Variants in HK1 observed in about 807,000 individuals in gnomAD.
HK1 encodes hexokinase-1.
Under a neutral mutation model 91.6 loss-of-function variants are expected in HK1, and 28 were observed. The observed-to-expected ratio is 0.31, with a 90% CI of 0.23 to 0.42. The LOEUF is 0.42. Among genes scored for constraint, HK1 ranks in the 10% least tolerant of loss-of-function variants. The probability of loss-of-function intolerance (pLI) is 1.00; values close to 1 mark genes in which losing one functional copy is unlikely to be tolerated. For synonymous variants in HK1, 430 were observed against 468.1 expected, an observed-to-expected ratio of 0.92 and a Z score of 1.05; for missense variants, 770 against 1,219.8, an observed-to-expected ratio of 0.63 and a Z score of 5.49.
At chr10:69,385,257 G>A (rs1480213958) in intron 12 of HK1, among the ~76,000 whole-genome samples, 1 of 152,176 alleles carries the variant, frequency 6.6e-6, no homozygotes, top group Non-Finnish European at 1.5e-5. Flanking sequence ...TCTGCTAGTG[G>A]TAGACTCCGT....
At chr10:69,317,235 C>T (rs1014909784), upstream of HK1, among the ~76,000 whole-genome samples, 3 of 152,160 alleles carry the variant, frequency 2.0e-5, no homozygotes, top group Non-Finnish European at 4.4e-5. Flanking sequence ...ATTATGTGCA[C>T]GTATTTTGCG....
At chr10:69,363,801 C>CT (rs1564543104) in intron 3 of HK1, among the ~76,000 whole-genome samples, 1 of 152,196 alleles carries the variant, frequency 6.6e-6, no homozygotes, top group Non-Finnish European at 1.5e-5. Context: ...GTTCCAGGCT[C>CT]TTTCTAGCAG....
intron 1 of HK1, among the ~76,000 whole-genome samples, chr10:69,330,723 A>G (rs1847670391): frequency 6.6e-6 from 1 of 152,144 alleles, no homozygotes; most frequent in Non-Finnish European, 1.5e-5. Context: ...CTGGAGATAC[A>G]GGGACACAGA....
rs187233628 is a variant in HK1, at chr10:69,384,517, C to T, written c.1719+36C>T. On this transcript the variant is annotated intron_variant, in intron 11 of 17. Coordinates refer to ENST00000359426, the MANE Select transcript of HK1 (RefSeq NM_000188.3). ...AAAACCATAGTGCATGTGCACTGCA[C>T]ACACGGCCAGTGGCACCGGCAGTCA... 2,926 of 1,612,198 alleles carry T rather than the reference C, an allele frequency of 1.8e-3. 13 individuals carry two copies. The highest frequency in any genetic ancestry group is 1.2e-3 in the Non-Finnish European group (1,455 of 1,178,200).
At chr10:69,361,952 G>C (rs1266682849) in intron 3 of HK1, among the ~76,000 whole-genome samples, 2 of 152,110 alleles carry the variant, frequency 1.3e-5, no homozygotes, top group African/African-American at 4.8e-5. Context: ...CAAATAGCTG[G>C]AATTACAGGC....
At chr10:69,289,450 TA>T (rs771213757) in intron 3 of HK1, among the ~76,000 whole-genome samples, 5,306 of 133,896 alleles carry the variant, frequency 0.04, 245 homozygotes, top group Middle Eastern at 0.061. Flanking sequence ...TTCTGCCCAT[TA>T]AAAAAAAAAA....
chr10:69,384,589 C>T lies in HK1; in HGVS notation c.1719+108C>T, dbSNP rs148478327. ...CGGGGTGCCCACATGGATTTGTGTC[C>T]TTGTGGCCCAGAAGCACCAGATGCT... On this transcript the variant is annotated intron_variant, in intron 11 of 17. Coordinates refer to ENST00000359426, the MANE Select transcript of HK1 (RefSeq NM_000188.3). The T allele has an allele frequency of 7.6e-5, 113 of 1,486,932 alleles. No homozygotes were observed. In the East Asian group the frequency reaches 2.3e-3, roughly 31 times the overall value. The allele number at this position is 1,486,932 out of a possible 1,614,324, so 92.1% of individuals were successfully genotyped here.
At chr10:69,323,084 A>T (rs1847138706) in intron 1 of HK1, among the ~76,000 whole-genome samples, 1 of 151,922 alleles carries the variant, frequency 6.6e-6, no homozygotes, top group Non-Finnish European at 1.5e-5. Context: ...CGTCTCTACT[A>T]AAAATACAAA....
At position 69,379,872 on chromosome 10, in the gene HK1, G is replaced by C. The variant is rs1473171806; in HGVS notation, c.1042G>C (p.Gly348Arg). ...DVSAIEKNKE[G>R]LHNAKEILTR... Reference sequence around the variant, plus strand: ...CTTCTAACTTCACAGGAATAAGGAAGGCCTCCACAATGCCAAAGAAATCCT... The same window carrying C: ...CTTCTAACTTCACAGGAATAAGGAACGCCTCCACAATGCCAAAGAAATCCT... The change falls in exon 9 of 18, where the codon GGC becomes CGC. Residue 348 changes from glycine to arginine, a missense_variant. Coordinates refer to ENST00000359426, the MANE Select transcript of HK1 (RefSeq NM_000188.3). 2 of 1,611,586 alleles carry C rather than the reference G, an allele frequency of 1.2e-6. No individual in the cohort carries two copies. Among genetic ancestry groups the C allele is most frequent in the South Asian group, 2.2e-5 (2 of 91,030 alleles).
At chr10:69,382,962 A>G (rs946590674) in intron 10 of HK1, among the ~76,000 whole-genome samples, 171 bp downstream of exon 10, 12 of 152,124 alleles carry the variant, frequency 7.9e-5, no homozygotes, top group African/African-American at 2.9e-4. Context: ...CTGATTTGTC[A>G]TGTGTGTGAC....
chr10:69,290,581 C>T (rs962656905), intron 3 of HK1, among the ~76,000 whole-genome samples: 21 of 152,166 alleles, frequency 1.4e-4, no homozygotes, highest in African/African-American at 3.9e-4. Flanking sequence ...TCACTACAAC[C>T]TCTGCCTCCC....
chr10:69,340,744 C>T, intron 1 of HK1, among the ~76,000 whole-genome samples: 1 of 152,100 alleles, frequency 6.6e-6, no homozygotes, highest in Admixed American at 6.6e-5. Context: ...ATTCTCCACG[C>T]AGCAGACACA....
At chr10:69,351,499 G>C (rs1234216000) in intron 2 of HK1, among the ~76,000 whole-genome samples, 1 of 151,972 alleles carries the variant, frequency 6.6e-6, no homozygotes, top group Non-Finnish European at 1.5e-5. Context: ...ACAAGAGTGA[G>C]ACTCCGTCTC....
rs1287247975 is a variant in HK1, at chr10:69,380,790, G to A, written c.1265+695G>A. On this transcript the variant is annotated intron_variant, in intron 9 of 17. Coordinates refer to ENST00000359426, the MANE Select transcript of HK1 (RefSeq NM_000188.3). This position sits in a 1 kb window ranked among gnomAD's most constrained non-coding sequence, Gnocchi z 4.0. Reference sequence around the variant, plus strand: ...TTAGTTTTAGAAGCCATGTTGTCCTGTGAGAACGTGGCTTATACTTTTTTT... The same window carrying A: ...TTAGTTTTAGAAGCCATGTTGTCCTATGAGAACGTGGCTTATACTTTTTTT... 6.6e-6 allele frequency among the ~76,000 whole-genome samples: 1 copy of A among 152,208 alleles called. No homozygotes were observed. The highest frequency in any genetic ancestry group is 2.4e-5 in the African/African-American group (1 of 41,448).
intron 5 of HK1, among the ~76,000 whole-genome samples, chr10:69,302,632 G>C (rs931052588): frequency 2.0e-5 from 3 of 151,746 alleles, no homozygotes; most frequent in Non-Finnish European, 4.4e-5. Context: ...GGGTGCATCT[G>C]TGGTCCCAGC....
At chr10:69,288,314 C>T (rs559094544) in intron 2 of HK1, among the ~76,000 whole-genome samples, 1 of 152,132 alleles carries the variant, frequency 6.6e-6, no homozygotes, top group African/African-American at 2.4e-5. Context: ...GAATGACAGG[C>T]TGCCAGAAAC....
At chr10:69,296,948 C>A (rs959351916) in intron 4 of HK1, among the ~76,000 whole-genome samples, 2 of 152,112 alleles carry the variant, frequency 1.3e-5, no homozygotes, top group Non-Finnish European at 2.9e-5. Context: ...TGTAGTGAGA[C>A]CTCCAGGATG....
At chr10:69,287,992 T>C (rs1039367096) in intron 2 of HK1, among the ~76,000 whole-genome samples, 1 of 149,040 alleles carries the variant, frequency 6.7e-6, no homozygotes, top group Non-Finnish European at 1.5e-5. Flanking sequence ...AAAAAAAAAA[T>C]TAAAAATTAG....
intron 1 of HK1, among the ~76,000 whole-genome samples, chr10:69,276,054 C>A (rs1182895393): frequency 7.7e-6 from 1 of 129,076 alleles, no homozygotes; most frequent in Non-Finnish European, 1.6e-5. Context: ...TGTGTCATTG[C>A]ACTCCAGCCT....
Sources: gnomAD v4.1 joint callset for allele counts (sites outside exome capture counted in the v4.1 genomes callset) on GRCh38, gnomAD v4.1.1 for gene constraint, Gnocchi (gnomAD v3.1) non-coding constraint, MANE v1.5 for transcripts, NCBI Gene and HGNC (gene_info 2026-07-23, HGNC 2026-07-21) for gene names.